CPED1: variants seen among roughly 807,000 people sequenced by gnomAD.
The protein encoded by CPED1 is cadherin like and PC-esterase domain containing 1, also known as cadherin-like and PC-esterase domain-containing protein 1.
CPED1 carries 114 observed loss-of-function variants against 128.2 expected under a neutral mutation model. The ratio of observed to expected loss-of-function variants is 0.89; its 90% CI spans 0.76 to 1.04. The LOEUF (loss-of-function observed/expected upper bound fraction) is 1.04. Among genes scored for constraint, CPED1 ranks in the 50% least tolerant of loss-of-function variants. The probability of loss-of-function intolerance (pLI) is 0.00; values close to 1 mark genes in which losing one functional copy is unlikely to be tolerated. For missense variants in CPED1, 1,211 were observed against 1,207.1 expected (o/e 1.00, Z -0.05); for synonymous variants, 462 against 426.7 (o/e 1.08, Z -1.02).
At chr7:121,165,562 A>G (rs1051912162) in intron 16 of CPED1, among the ~76,000 whole-genome samples, 5 of 152,128 alleles carry the variant, frequency 3.3e-5, no homozygotes, top group Non-Finnish European at 7.4e-5. Flanking sequence ...ATCATTAAAT[A>G]TGTCCTTTTC....
intron 5 of CPED1, among the ~76,000 whole-genome samples, chr7:121,092,481 GA>G (rs888927056): frequency 1.3e-5 from 2 of 151,466 alleles, no homozygotes; most frequent in Non-Finnish European, 2.9e-5. Context: ...ATTCAGTGGA[GA>G]AAAAAAAATT....
chr7:121,185,264 C>A (rs6963115), intron 16 of CPED1, among the ~76,000 whole-genome samples: 94,498 of 151,910 alleles, frequency 0.62, 29,735 homozygotes, highest in East Asian at 0.88. Context: ...ATAGCAAATG[C>A]TGTATCTCTA....
At chr7:121,222,047 T>C (rs1172586544) in intron 16 of CPED1, among the ~76,000 whole-genome samples, 2 of 152,204 alleles carry the variant, frequency 1.3e-5, no homozygotes, top group African/African-American at 4.8e-5. Context: ...ATGTCCTGAA[T>C]GGTATTGCCT....
chr7:121,077,531 T>C (rs1159409228), intron 5 of CPED1, among the ~76,000 whole-genome samples: 1 of 152,108 alleles, frequency 6.6e-6, no homozygotes, highest in Non-Finnish European at 1.5e-5. Flanking sequence ...AACAAATTAT[T>C]GCACATTTAT....
intron 4 of CPED1, among the ~76,000 whole-genome samples, chr7:121,059,987 G>A (rs970582857): frequency 6.6e-6 from 1 of 152,194 alleles, no homozygotes; most frequent in Admixed American, 6.5e-5. Flanking sequence ...GCGCGAGCGG[G>A]AACCCGGGCT....
rs202229385 is a variant in CPED1 at position 121,127,153 on chromosome 7, G to T, written c.1198G>T (p.Glu400Ter). The T allele has an allele frequency of 5.6e-6, 9 of 1,597,604 alleles. No individual in the cohort carries two copies. Among genetic ancestry groups the T allele is most frequent in the Non-Finnish European group, 6.9e-6 (8 of 1,167,468 alleles). Reference sequence around the variant, plus strand: ...GGATTTTGAGGACCAAAATACAGAAGAATTCCTTTTAAATGACACTTTCAA... The same window carrying T: ...GGATTTTGAGGACCAAAATACAGAATAATTCCTTTTAAATGACACTTTCAA... ...NMDFEDQNTE[E>*]FLLNDTFNFL... Residue 400 changes from glutamate (E) to a stop codon, truncating the protein, a stop_gained, in exon 10 of 23, where the codon GAA becomes TAA. Coordinates refer to ENST00000310396, the MANE Select transcript of CPED1 (RefSeq NM_024913.5). LOFTEE classifies it high-confidence loss of function.
At chr7:121,191,557 C>T (rs1797142123) in intron 16 of CPED1, among the ~76,000 whole-genome samples, 1 of 152,056 alleles carries the variant, frequency 6.6e-6, no homozygotes. Context: ...TTCTCCAGAT[C>T]CTTCTGGGGT....
chr7:121,005,877 T>C (rs377443025), intron 2 of CPED1, among the ~76,000 whole-genome samples: 1 of 152,182 alleles, frequency 6.6e-6, no homozygotes, highest in African/African-American at 2.4e-5. Context: ...AAAAAGTAGA[T>C]GGAAGGTGTC....
chr7:121,135,743 T>C (rs1795769708), intron 13 of CPED1, among the ~76,000 whole-genome samples: 1 of 152,056 alleles, frequency 6.6e-6, no homozygotes, highest in Admixed American at 6.6e-5. Flanking sequence ...TGGGAAATTA[T>C]AGTCATAGGA....
At chr7:121,145,633 C>T (rs545881631) in intron 16 of CPED1, among the ~76,000 whole-genome samples, 1 of 152,224 alleles carries the variant, frequency 6.6e-6, no homozygotes, top group African/African-American at 2.4e-5. Context: ...GTAAAATTTT[C>T]TCACCATAGA....
Position 121,059,599 on chromosome 7 carries a change from C to T in CPED1, c.541-4639C>T, listed in dbSNP as rs115885661. ...TTACATTTTGTAACTAGTTCAAATTCAGGTGTTCACGCTTCCTAATAAATT... is the reference window on the plus strand; with the variant it reads ...TTACATTTTGTAACTAGTTCAAATTTAGGTGTTCACGCTTCCTAATAAATT... On this transcript the variant is annotated intron_variant, in intron 4 of 22. Transcript: ENST00000310396. 7.7e-3 allele frequency among the ~76,000 whole-genome samples: 1,138 copies of T among 148,406 alleles called. 19 individuals carry two copies. The highest frequency in any genetic ancestry group is 0.026 in the African/African-American group (1,082 of 40,934).
At chr7:121,276,270 C>T (rs1208099218) in intron 22 of CPED1, among the ~76,000 whole-genome samples, 2 of 152,094 alleles carry the variant, frequency 1.3e-5, no homozygotes, top group Non-Finnish European at 2.9e-5. Context: ...CATTTATAAA[C>T]TAGAGCTATC....
intron 16 of CPED1, among the ~76,000 whole-genome samples, chr7:121,211,741 A>G (rs1797647128): frequency 6.6e-6 from 1 of 152,026 alleles, no homozygotes; most frequent in Non-Finnish European, 1.5e-5. Context: ...TTTAAAGTGA[A>G]AACTGTGGAG....
rs963464797 is a variant in CPED1 at position 121,297,304 on chromosome 7, G to T, written c.*1652G>T. 6.6e-6 allele frequency: 1 copy of T among 151,992 alleles called. No individual in the cohort carries two copies. The highest frequency in any genetic ancestry group is 2.4e-5 in the African/African-American group (1 of 41,390). 9.4% of individuals were successfully genotyped at this position (151,992 alleles called of 1,614,324 possible). A position where few individuals can be genotyped will look rare whatever the true frequency, so the allele number is the denominator to read the frequency against. On this transcript the variant is annotated 3_prime_UTR_variant, in exon 23 of 23. Coordinates refer to ENST00000310396, the MANE Select transcript of CPED1 (RefSeq NM_024913.5). The stretch of plus-strand genomic sequence containing the variant: ...ATACTCTATAGCAGTATTACAGTCA[G>T]TATTTCATATAATTTTCTTTAGACC...
At chr7:121,039,690 A>C (rs1246721968) in intron 3 of CPED1, among the ~76,000 whole-genome samples, 2 of 152,058 alleles carry the variant, frequency 1.3e-5, no homozygotes, top group African/African-American at 4.8e-5. Flanking sequence ...GTTACACTTC[A>C]AAAGAAAATG....
chr7:121,124,078 G>T (rs115351411), intron 7 of CPED1, among the ~76,000 whole-genome samples: 1 of 152,126 alleles, frequency 6.6e-6, no homozygotes, highest in East Asian at 1.9e-4. Flanking sequence ...CATTTTCCAC[G>T]ATTAGATGCT....
chr7:121,014,774 C>T (rs889127216), intron 2 of CPED1, among the ~76,000 whole-genome samples: 5 of 152,068 alleles, frequency 3.3e-5, no homozygotes, highest in African/African-American at 1.2e-4. Context: ...CCCTCATCTT[C>T]TCCACCACCT....
chr7:121,121,521 T>C (rs1795388379), intron 7 of CPED1, among the ~76,000 whole-genome samples: 1 of 152,250 alleles, frequency 6.6e-6, no homozygotes, highest in Non-Finnish European at 1.5e-5. Context: ...TTTCATGTCA[T>C]GTTAAAAGTT....
chr7:120,995,700 T>C (rs1796385248), intron 2 of CPED1, among the ~76,000 whole-genome samples: 1 of 152,178 alleles, frequency 6.6e-6, no homozygotes, highest in Non-Finnish European at 1.5e-5. Context: ...ACCATTTTCC[T>C]AGATGCATAG....
Sources: gnomAD v4.1 joint callset for allele counts (sites outside exome capture counted in the v4.1 genomes callset) on GRCh38, gnomAD v4.1.1 for gene constraint, MANE v1.5 for transcripts, NCBI Gene and HGNC (gene_info 2026-07-23, HGNC 2026-07-21) for gene names.